The following DLG1 variants were observed in gnomAD, a reference collection of about 807,000 sequenced individuals.
DLG1 encodes the protein disks large homolog 1.
DLG1 carries 42 observed loss-of-function variants against 123.4 expected under a neutral mutation model. The observed-to-expected ratio is 0.34, with a 90% CI of 0.27 to 0.44. The LOEUF is 0.44. Among genes scored for constraint, DLG1 ranks in the 20% least tolerant of loss-of-function variants. DLG1 has a pLI of 1.00. For synonymous variants in DLG1, 317 were observed against 356.2 expected (o/e 0.89, Z 1.24); for missense variants, 942 against 1,082.6 (o/e 0.87, Z 1.82).
At chr3:197,274,614 A>G (rs1305299362) in intron 4 of DLG1, among the ~76,000 whole-genome samples, 1 of 152,232 alleles carries the variant, frequency 6.6e-6, no homozygotes, top group African/African-American at 2.4e-5. Context: ...CAAAAGCAAA[A>G]ATAGGTAAAT....
chr3:197,063,147 A>C (rs1736976068), intron 22 of DLG1, among the ~76,000 whole-genome samples: 1 of 151,530 alleles, frequency 6.6e-6, no homozygotes, highest in Non-Finnish European at 1.5e-5. Context: ...TAAGTTATTC[A>C]TTTGAAATAC....
At chr3:197,295,485 A>AC (rs572259761) in intron 3 of DLG1, among the ~76,000 whole-genome samples, 100 of 152,160 alleles carry the variant, frequency 6.6e-4, no homozygotes, top group South Asian at 2.7e-3. Context: ...ACTAAAACAA[A>AC]AAAAAAAAAC....
At chr3:197,207,028 C>T (rs1728883603) in intron 4 of DLG1, among the ~76,000 whole-genome samples, 1 of 152,216 alleles carries the variant, frequency 6.6e-6, no homozygotes, top group Non-Finnish European at 1.5e-5. Context: ...AACACAGCCA[C>T]ACTCATTCTC....
intron 11 of DLG1, among the ~76,000 whole-genome samples, chr3:197,130,023 TGA>T (rs1781702465): frequency 6.6e-6 from 1 of 152,084 alleles, no homozygotes; most frequent in Non-Finnish European, 1.5e-5. Context: ...AGACATGAAG[TGA>T]GAACATGTTG....
Position 197,116,032 on chromosome 3 carries a change from G to A in DLG1, c.1338C>T (p.Asn446=), listed in dbSNP as rs1280344848. The A allele has an allele frequency of 6.2e-7, 1 of 1,612,814 alleles. No individual in the cohort carries two copies. Among genetic ancestry groups the A allele is most frequent in the Non-Finnish European group, 8.5e-7 (1 of 1,179,586 alleles). The change falls in exon 13 of 25, where the codon AAC becomes AAT. Residue 446 remains asparagine (N), a synonymous_variant. Coordinates refer to ENST00000667157, the MANE Select transcript of DLG1 (RefSeq NM_001366207.1). ...LHRGSTGLGF[N]IVGGEDGEGI... ...CTTCTCCATCTTCTCCTCCTACAAT[G>A]TTGAAACCAAGGCCCGTTGAGCCAC...
intron 5 of DLG1, among the ~76,000 whole-genome samples, chr3:197,158,025 C>T (rs996357636): frequency 6.6e-6 from 1 of 152,164 alleles, no homozygotes; most frequent in Non-Finnish European, 1.5e-5. Flanking sequence ...ACAGACATGT[C>T]TTGTCTGTAA....
At chr3:197,232,105 C>G (rs999264663) in intron 4 of DLG1, among the ~76,000 whole-genome samples, 4 of 152,048 alleles carry the variant, frequency 2.6e-5, no homozygotes, top group Admixed American at 2.0e-4. Context: ...AAAAGGAAAC[C>G]TGGTATAATC....
At chr3:197,190,340 G>A (rs1189760232) in intron 5 of DLG1, among the ~76,000 whole-genome samples, 2 of 151,954 alleles carry the variant, frequency 1.3e-5, no homozygotes, top group South Asian at 2.1e-4. Flanking sequence ...CTAGTCCCCC[G>A]TGAATCCTCG....
intron 4 of DLG1, among the ~76,000 whole-genome samples, chr3:197,270,385 A>G (rs769486749): frequency 2.6e-5 from 4 of 152,174 alleles, no homozygotes; most frequent in Admixed American, 6.5e-5. Context: ...AAAAGGGGGA[A>G]CTTAGCAACC....
At chr3:197,196,062 C>T (rs987562728) in intron 4 of DLG1, among the ~76,000 whole-genome samples, 1 of 150,450 alleles carries the variant, frequency 6.6e-6, no homozygotes, top group Non-Finnish European at 1.5e-5. Flanking sequence ...AATGTTTTCA[C>T]TCCTTGATCC....
intron 6 of DLG1, among the ~76,000 whole-genome samples, chr3:197,147,378 T>C (rs1356496402): frequency 6.6e-6 from 1 of 151,682 alleles, no homozygotes; most frequent in East Asian, 1.9e-4. Context: ...TGCAAAAATA[T>C]GGAACCAGCC....
intron 4 of DLG1, among the ~76,000 whole-genome samples, chr3:197,245,821 G>C (rs73088440): frequency 0.011 from 1,623 of 149,102 alleles, 32 homozygotes; most frequent in African/African-American, 0.038. Flanking sequence ...TTGGCTCTTT[G>C]GTCTGCGAGG....
chr3:197,174,634 T>C (rs1256243069), intron 5 of DLG1, among the ~76,000 whole-genome samples: 1 of 152,220 alleles, frequency 6.6e-6, no homozygotes, highest in Non-Finnish European at 1.5e-5. Context: ...TTTCTTTCTA[T>C]CTTACAAAAT....
At chr3:197,254,593 G>T (rs1021271110) in intron 4 of DLG1, among the ~76,000 whole-genome samples, 11 of 152,104 alleles carry the variant, frequency 7.2e-5, no homozygotes, top group African/African-American at 2.7e-4. Flanking sequence ...ACAGATGTTA[G>T]AACTATTATA....
intron 5 of DLG1, among the ~76,000 whole-genome samples, chr3:197,192,918 A>C (rs1351850774): frequency 6.6e-6 from 1 of 152,212 alleles, no homozygotes; most frequent in Non-Finnish European, 1.5e-5. Flanking sequence ...CATATGCTAT[A>C]GATATTAAAA....
intron 22 of DLG1, among the ~76,000 whole-genome samples, chr3:197,061,546 T>C (rs1025704819): frequency 6.6e-6 from 1 of 151,342 alleles, no homozygotes; most frequent in African/African-American, 2.5e-5. Context: ...TGTATTTAGT[T>C]GTAAAGTCTC....
intron 4 of DLG1, among the ~76,000 whole-genome samples, chr3:197,213,534 C>A (rs551851647): frequency 6.6e-6 from 1 of 152,240 alleles, no homozygotes; most frequent in Admixed American, 6.5e-5. Flanking sequence ...ACGCTTTACA[C>A]AGACACAGCT....
At chr3:197,148,736 CTCTAAG>C (rs1203587730) in intron 6 of DLG1, among the ~76,000 whole-genome samples, 1 of 152,036 alleles carries the variant, frequency 6.6e-6, no homozygotes, top group Non-Finnish European at 1.5e-5. Flanking sequence ...GAAAACTTAA[CTCTAAG>C]TCTTTGTGAT....
intron 3 of DLG1, among the ~76,000 whole-genome samples, chr3:197,286,205 G>GT (rs1345436012): frequency 2.0e-5 from 3 of 152,284 alleles, no homozygotes; most frequent in Non-Finnish European, 4.4e-5. Context: ...GTTTTCAGGA[G>GT]TTTGTGTGGG....
Sources: allele counts gnomAD v4.1 joint callset (sites outside exome capture counted in the v4.1 genomes callset), GRCh38; gene constraint gnomAD v4.1.1; transcripts MANE v1.5; gene names NCBI Gene and HGNC (gene_info 2026-07-23, HGNC 2026-07-21).